Variants in MAP3K5 observed in about 807,000 individuals in gnomAD.
The protein encoded by MAP3K5 is mitogen-activated protein kinase kinase kinase 5, also known as ASK-1.
MAP3K5 carries 56 observed loss-of-function variants against 158.7 expected under a neutral mutation model. The ratio of observed to expected loss-of-function variants is 0.35; its 90% confidence interval spans 0.28 to 0.44. MAP3K5 has a LOEUF of 0.44. Among genes scored for constraint, MAP3K5 ranks in the 20% least tolerant of loss-of-function variants. The pLI is 1.00. For missense variants in MAP3K5, 1,294 were observed against 1,674.8 expected, an observed-to-expected ratio of 0.77 and a Z score of 3.97; for synonymous variants, 579 against 601.7, an observed-to-expected ratio of 0.96 and a Z score of 0.55.
At position 136,656,384 on chromosome 6, in the gene MAP3K5, T is replaced by G. The variant is rs766136288; in HGVS notation, c.1603A>C (p.Lys535Gln). ...ATCCAAAAGTCCACAAGTTCTTGCT[T>G]GGCCACAGGCTGTTCTGTGGTCAGT... ...VKLTTEQPVA[K>Q]QELVDFWMDF... is the part of the protein sequence containing the mutation. Residue 535 changes from lysine to glutamine, a missense_variant, in exon 10 of 30, where the codon AAG becomes CAG. By Grantham distance (53) the Lys-to-Gln change is moderately conservative. This residue lies in a region of MAP3K5 where 690 missense variants were observed against 870.5 expected (regional missense o/e 0.79). Coordinates refer to ENST00000359015, the MANE Select transcript of MAP3K5 (RefSeq NM_005923.4). The G allele has an allele frequency of 6.2e-7, 1 of 1,613,686 alleles. No individual in the cohort carries two copies. The highest frequency in any genetic ancestry group is 2.2e-5 in the East Asian group (1 of 44,870).
intron 25 of MAP3K5, among the ~76,000 whole-genome samples, chr6:136,573,404 G>A (rs1019992287): frequency 1.3e-5 from 2 of 152,156 alleles, no homozygotes; most frequent in African/African-American, 4.8e-5. Context: ...GATGTTATAT[G>A]GTAGAACTTC....
intron 2 of MAP3K5, among the ~76,000 whole-genome samples, chr6:136,706,243 G>A (rs999364269): frequency 2.0e-5 from 3 of 152,046 alleles, no homozygotes; most frequent in Non-Finnish European, 4.4e-5. Flanking sequence ...TCTAACCTGG[G>A]TGACAGAGTG....
At chr6:136,772,624 C>T (rs1784252163) in intron 1 of MAP3K5, among the ~76,000 whole-genome samples, 1 of 152,028 alleles carries the variant, frequency 6.6e-6, no homozygotes, top group East Asian at 1.9e-4. Context: ...GGTTAGGAAG[C>T]TTAAGATGAA....
intron 1 of MAP3K5, among the ~76,000 whole-genome samples, chr6:136,768,105 A>G (rs1475844004): frequency 6.6e-6 from 1 of 152,256 alleles, no homozygotes; most frequent in Admixed American, 6.5e-5. Flanking sequence ...TCTAACTCTT[A>G]GAAGAAAACA....
intron 23 of MAP3K5, among the ~76,000 whole-genome samples, chr6:136,585,059 A>T (rs1583222258): frequency 4.6e-5 from 7 of 151,282 alleles, no homozygotes; most frequent in Admixed American, 3.9e-4. Context: ...AAAATATATT[A>T]CAATGTTCAA....
intron 3 of MAP3K5, among the ~76,000 whole-genome samples, chr6:136,703,814 A>G (rs1251086013): frequency 1.3e-5 from 2 of 152,226 alleles, no homozygotes; most frequent in East Asian, 3.8e-4. Flanking sequence ...AAAGGCTTAA[A>G]ATTTCTGATT....
In MAP3K5 at chr6:136,694,209, C is replaced by T. The variant is rs1405302340; in HGVS notation, c.1184G>A (p.Arg395Gln). Residue 395 changes from arginine to glutamine, a missense_variant, in exon 7 of 30, where the codon CGA becomes CAA. By Grantham distance (43) the Arg-to-Gln change is conservative. Coordinates refer to ENST00000359015, the MANE Select transcript of MAP3K5 (RefSeq NM_005923.4). ...GTCCAAAAACATATCTTTGTAGATT[C>T]GACCAACTAGGCAATACATATCTGA... Reference protein sequence around the residue: ...VASDMYCLVGRIYKDMFLDSN... With the variant: ...VASDMYCLVGQIYKDMFLDSN... 2.5e-6 allele frequency: 4 copies of T among 1,613,682 alleles called. No individual in the cohort carries two copies. The highest frequency in any genetic ancestry group is 1.3e-5 in the African/African-American group (1 of 74,910).
At chr6:136,628,517 C>T (rs1399562951) in intron 14 of MAP3K5, among the ~76,000 whole-genome samples, 5 of 152,018 alleles carry the variant, frequency 3.3e-5, no homozygotes, top group Non-Finnish European at 5.9e-5. Context: ...GTGCACACCA[C>T]CAGGTCCAGC....
At chr6:136,564,882 G>C (rs1169412934) in intron 26 of MAP3K5, among the ~76,000 whole-genome samples, 1 of 152,178 alleles carries the variant, frequency 6.6e-6, no homozygotes, top group Admixed American at 6.5e-5. Context: ...ACACTGCTGA[G>C]TGTTCAAATA....
rs779301109 is a variant in MAP3K5 at position 136,716,005 on chromosome 6, G to A, written c.588+4445C>T. On this transcript the variant is annotated intron_variant, in intron 2 of 29. Transcript: ENST00000359015. The stretch of plus-strand genomic sequence containing the variant: ...GGATAGCACCACTGCACTCCAGCCC[G>A]GGTGACAAAGCAAGATCGTCTCAAA... Among the ~76,000 whole-genome samples the A allele has an allele frequency of 1.1e-3, 96 of 88,164 alleles. 1 individual carries two copies. Among genetic ancestry groups the A allele is most frequent in the South Asian group, 1.9e-3 (5 of 2,686 alleles). The allele number at this position is 88,164 out of a possible 152,430, so 57.8% of individuals were successfully genotyped here.
At chr6:136,610,361 C>T (rs1048202043) in intron 18 of MAP3K5, among the ~76,000 whole-genome samples, 4 of 151,928 alleles carry the variant, frequency 2.6e-5, no homozygotes, top group Non-Finnish European at 5.9e-5. Context: ...TACTTTGCAC[C>T]AGAGGCAGCT....
At chr6:136,560,854 G>T (rs1830476453) in intron 28 of MAP3K5, among the ~76,000 whole-genome samples, 1 of 151,490 alleles carries the variant, frequency 6.6e-6, no homozygotes, top group South Asian at 2.1e-4. Flanking sequence ...GGCTAAGGTG[G>T]GAGGATCACT....
chr6:136,792,081 T>G lies in MAP3K5; in HGVS notation c.77A>C (p.Glu26Ala), dbSNP rs1785103892. The change falls in exon 1 of 30, where the codon GAG becomes GCG. Residue 26 changes from glutamate (E) to alanine (A), a missense_variant. This residue lies in a region of MAP3K5 where 690 missense variants were observed against 870.5 expected (regional missense o/e 0.79). Coordinates refer to ENST00000359015, the MANE Select transcript of MAP3K5 (RefSeq NM_005923.4). The surrounding 1 kb of genome is among the most constrained non-coding windows in gnomAD (Gnocchi z 5.7). ...FAPSGFCTIP[E>A]GGICRRGGAA... ...TCCTCCCCTCCTGCAGATGCCGCCCTCGGGGATGGTGCAGAAGCCCGAGGG... is the reference window on the plus strand; with the variant it reads ...TCCTCCCCTCCTGCAGATGCCGCCCGCGGGGATGGTGCAGAAGCCCGAGGG... 2.5e-6 allele frequency: 4 copies of G among 1,575,420 alleles called. No homozygotes were observed. The highest frequency in any genetic ancestry group is 3.4e-6 in the Non-Finnish European group (4 of 1,165,526).
intron 26 of MAP3K5, among the ~76,000 whole-genome samples, chr6:136,563,222 G>A (rs998705270): frequency 6.6e-6 from 1 of 152,042 alleles, no homozygotes; most frequent in Non-Finnish European, 1.5e-5. Flanking sequence ...AAAATCTTCA[G>A]AGATGTGTCC....
intron 26 of MAP3K5, among the ~76,000 whole-genome samples, chr6:136,564,414 G>A (rs1250887768): frequency 6.6e-6 from 1 of 152,114 alleles, no homozygotes; most frequent in Non-Finnish European, 1.5e-5. Context: ...ACAATGAGGT[G>A]GATGAAGCAG....
intron 25 of MAP3K5, among the ~76,000 whole-genome samples, chr6:136,571,282 T>G (rs1774352107): frequency 6.6e-6 from 1 of 152,210 alleles, no homozygotes; most frequent in Non-Finnish European, 1.5e-5. Flanking sequence ...TGTACCTTAT[T>G]CTTCTTGGTC....
intron 7 of MAP3K5, among the ~76,000 whole-genome samples, chr6:136,680,072 A>AC (rs1779868235): frequency 1.3e-5 from 2 of 151,872 alleles, no homozygotes; most frequent in African/African-American, 4.8e-5. Context: ...ACACACACAC[A>AC]AAACCCAAAG....
At chr6:136,652,365 A>G (rs1489041388) in intron 10 of MAP3K5, among the ~76,000 whole-genome samples, 1 of 152,192 alleles carries the variant, frequency 6.6e-6, no homozygotes, top group African/African-American at 2.4e-5. Flanking sequence ...AAGATGGGCT[A>G]TGCAACAAAT....
At chr6:136,616,590 A>G (rs1390735966) in intron 15 of MAP3K5, among the ~76,000 whole-genome samples, 2 of 151,090 alleles carry the variant, frequency 1.3e-5, no homozygotes, top group African/African-American at 2.4e-5. Flanking sequence ...TACAGCTGTG[A>G]GCCAACAAAC....
Sources: gnomAD v4.1 joint callset for allele counts (sites outside exome capture counted in the v4.1 genomes callset) on GRCh38, gnomAD v4.1.1 for gene constraint, gnomAD v4.1.1 regional missense constraint, Gnocchi (gnomAD v3.1) non-coding constraint, MANE v1.5 for transcripts, NCBI Gene and HGNC (gene_info 2026-07-23, HGNC 2026-07-21) for gene names.